The following SELENOT variants were observed in gnomAD, a reference collection of about 807,000 sequenced individuals.
The protein encoded by SELENOT is selenoprotein T.
SELENOT carries 9 observed loss-of-function variants against 24.3 expected under a neutral mutation model. The observed-to-expected ratio is 0.37, with a 90% CI of 0.22 to 0.65. The LOEUF is 0.65. SELENOT is among the 30% of genes least tolerant of loss of function. SELENOT has a pLI of 0.60. For missense variants in SELENOT, 166 were observed against 247.6 expected, an observed-to-expected ratio of 0.67 and a Z score of 2.21; for synonymous variants, 81 against 86.0, an observed-to-expected ratio of 0.94 and a Z score of 0.32.
At chr3:150,620,041 C>G (rs1257047320) in intron 1 of SELENOT, among the ~76,000 whole-genome samples, 1 of 152,120 alleles carries the variant, frequency 6.6e-6, no homozygotes, top group Non-Finnish European at 1.5e-5. Context: ...TAGCTAAATT[C>G]TATTTGGAGT....
At chr3:150,605,994 T>C (rs992949355) in intron 1 of SELENOT, among the ~76,000 whole-genome samples, 2 of 152,174 alleles carry the variant, frequency 1.3e-5, no homozygotes, top group Admixed American at 1.3e-4. Flanking sequence ...GAGTATTTTA[T>C]CAAAAATAAC....
intron 1 of SELENOT, chr3:150,611,936 T>A (rs984777865): frequency 1.2e-6 from 1 of 846,880 alleles, no homozygotes; most frequent in Non-Finnish European, 1.8e-6. Flanking sequence ...GGCCGCTCCG[T>A]CGGCGGCAGT....
intron 1 of SELENOT, among the ~76,000 whole-genome samples, chr3:150,612,311 T>C (rs758607995): frequency 9.9e-5 from 15 of 152,144 alleles, no homozygotes; most frequent in Non-Finnish European, 2.1e-4. Flanking sequence ...CAGGCTGGTC[T>C]CAAACTCCTG....
At chr3:150,623,247 A>C (rs1275817654) in intron 3 of SELENOT, 78 bp downstream of exon 3, 4 of 1,260,750 alleles carry the variant, frequency 3.2e-6, no homozygotes, top group African/African-American at 1.6e-5. Flanking sequence ...TCTTATTTTG[A>C]ATACTTGTTA....
chr3:150,604,537 C>T lies in SELENOT; in HGVS notation c.137+1038C>T, dbSNP rs546194951. On this transcript the variant is annotated intron_variant, in intron 1 of 5. Transcript: ENST00000471696. ...GGTGTTGGACATCATTCATTTAAAACCTTCTTTTAAGAACTTCATGTATTA... is the reference window on the plus strand; with the variant it reads ...GGTGTTGGACATCATTCATTTAAAATCTTCTTTTAAGAACTTCATGTATTA... Among the ~76,000 whole-genome samples, 9 of 152,288 alleles carry T rather than the reference C, an allele frequency of 5.9e-5. 1 individual carries two copies. In the South Asian group the frequency reaches 1.9e-3, roughly 32 times the overall value.
intron 1 of SELENOT, among the ~76,000 whole-genome samples, chr3:150,621,614 CTTTTTTTT>C (rs35489270): frequency 2.5e-5 from 2 of 80,576 alleles, no homozygotes; most frequent in African/African-American, 9.5e-5. Context: ...GGCATATTTC[CTTTTTTTT>C]TTTTTTTTTT....
intron 3 of SELENOT, 61 bp from the exon 4 acceptor site, chr3:150,624,751 T>C: frequency 9.3e-7 from 1 of 1,073,186 alleles, no homozygotes; most frequent in Non-Finnish European, 1.4e-6. Flanking sequence ...TTAAAGTAGA[T>C]TAAAAAGAGC....
At chr3:150,627,606 T>G (rs771407952) in intron 5 of SELENOT, 53 bp from the exon 6 acceptor site, 2 of 152,880 alleles carry the variant, frequency 1.3e-5, no homozygotes, top group African/African-American at 4.8e-5. Context: ...TTCTAAAGAG[T>G]TTTTATGAGT....
At chr3:150,617,821 G>A (rs1726252334) in intron 1 of SELENOT, among the ~76,000 whole-genome samples, 1 of 133,316 alleles carries the variant, frequency 7.5e-6, no homozygotes, top group African/African-American at 2.7e-5. Flanking sequence ...TTCATTCAAA[G>A]TGTTTGCAAC....
At chr3:150,611,894 G>A (rs112711134) in intron 1 of SELENOT, 144,073 of 1,005,568 alleles carry the variant, frequency 0.14, 11,801 homozygotes, top group Non-Finnish European at 0.17. Flanking sequence ...GAGCTCCGGG[G>A]TACCGGCGCT....
chr3:150,605,037 C>CA (rs10663147), intron 1 of SELENOT, among the ~76,000 whole-genome samples: 57,922 of 116,882 alleles, frequency 0.5, 13,354 homozygotes, highest in East Asian at 0.59. Context: ...AACTCCGTCT[C>CA]AAAAAAAAAA....
intron 4 of SELENOT, among the ~76,000 whole-genome samples, chr3:150,626,154 C>T (rs1018543440): frequency 6.6e-5 from 10 of 152,146 alleles, no homozygotes; most frequent in Admixed American, 5.2e-4. Context: ...GAATTACAGG[C>T]GTGAGCCACC....
intron 1 of SELENOT, 133 bp from the exon 2 acceptor site, chr3:150,622,252 G>A (rs946082842): frequency 2.4e-6 from 1 of 416,204 alleles, no homozygotes. Context: ...TGTCATCCTG[G>A]TTCAATTATT....
intron 1 of SELENOT, among the ~76,000 whole-genome samples, chr3:150,613,254 G>A (rs1306562365): frequency 5.3e-5 from 8 of 152,296 alleles, no homozygotes; most frequent in African/African-American, 1.9e-4. Context: ...GAGGGCAAGC[G>A]AAAGCAGGTG....
rs1402476917 is a variant in SELENOT, at chr3:150,628,663, TA to T, written c.*1038del. On this transcript the variant is annotated 3_prime_UTR_variant, in exon 6 of 6. Coordinates refer to ENST00000471696, the MANE Select transcript of SELENOT (RefSeq NM_016275.5). The stretch of plus-strand genomic sequence containing the variant: ...TTTATTGTATATGATGAACAAAACT[TA>T]AAATTTTTTAAATTTAATTTTTAAA... 1 of 152,166 alleles carries T rather than the reference TA, an allele frequency of 6.6e-6. No homozygotes were observed. Among genetic ancestry groups the T allele is most frequent in the African/African-American group, 2.4e-5 (1 of 41,448 alleles). 9.4% of individuals were successfully genotyped at this position (152,166 alleles called of 1,614,324 possible). A position where few individuals can be genotyped will look rare whatever the true frequency, so the allele number is the denominator to read the frequency against.
intron 1 of SELENOT, among the ~76,000 whole-genome samples, chr3:150,606,111 A>G (rs1725955845): frequency 4.7e-5 from 7 of 149,372 alleles, no homozygotes; most frequent in Admixed American, 4.7e-4. Flanking sequence ...CTTACGACAG[A>G]GTTTCCTATT....
intron 1 of SELENOT, among the ~76,000 whole-genome samples, chr3:150,608,803 T>A (rs1726025755): frequency 6.6e-6 from 1 of 152,220 alleles, no homozygotes; most frequent in Non-Finnish European, 1.5e-5. Context: ...AATTAAGTAC[T>A]TAGTTCAAAG....
At chr3:150,619,398 C>T (rs558892873) in intron 1 of SELENOT, among the ~76,000 whole-genome samples, 139 of 144,488 alleles carry the variant, frequency 9.6e-4, no homozygotes, top group Non-Finnish European at 1.6e-3. Flanking sequence ...TAGCTGGGCA[C>T]GGCGGCGGGC....
rs766112503 is a variant in SELENOT at position 150,622,380 on chromosome 3, T to C, written c.138-5T>C. ...GACTTAATGGAAACACTTATTTTTC[T>C]GCAGTGTTTCCTGAGGTTATAGGCG... On this transcript the variant is annotated splice_region_variant and splice_polypyrimidine_tract_variant and intron_variant, in intron 1 of 5. Transcript: ENST00000471696. 3.9e-5 allele frequency: 53 copies of C among 1,353,748 alleles called. No individual in the cohort carries two copies. The highest frequency in any genetic ancestry group is 2.7e-5 in the Admixed American group (1 of 37,356). The allele number at this position is 1,353,748 out of a possible 1,614,324, so 83.9% of individuals were successfully genotyped here. A position where few individuals can be genotyped will look rare whatever the true frequency, so the allele number is the denominator to read the frequency against.
Sources: gnomAD v4.1 joint callset for allele counts (sites outside exome capture counted in the v4.1 genomes callset) on GRCh38, gnomAD v4.1.1 for gene constraint, MANE v1.5 for transcripts, NCBI Gene and HGNC (gene_info 2026-07-23, HGNC 2026-07-21) for gene names.